The following CD53 variants were observed in gnomAD, a reference collection of about 807,000 sequenced individuals.
CD53 encodes leukocyte surface antigen CD53.
A neutral mutation model predicts 27.3 loss-of-function variants in CD53; 20 were observed. The ratio of observed to expected loss-of-function variants is 0.73; its 90% CI spans 0.52 to 1.07. The LOEUF is 1.07. CD53 is among the 50% of genes least tolerant of loss of function. CD53 has a pLI of 0.00. For missense variants in CD53, 216 were observed against 264.0 expected, an observed-to-expected ratio of 0.82 and a Z score of 1.26; for synonymous variants, 106 against 105.3, an observed-to-expected ratio of 1.01 and a Z score of -0.04.
At position 110,892,474 on chromosome 1, in the gene CD53, G is replaced by A. The variant is rs765419191; in HGVS notation, c.193G>A (p.Val65Ile). ...VFVIVGSIIM[V>I]VAFLGCMGSI... is the part of the protein sequence containing the mutation. ...TGTCATCGTGGGCTCTATTATCATG[G>A]TAGTTGCCTTCCTGGGCTGCATGGG... Residue 65 changes from valine (V) to isoleucine (I), a missense_variant, in exon 3 of 8, where the codon GTA becomes ATA. Val to Ile is a conservative substitution (Grantham distance 29). Coordinates refer to ENST00000271324, the MANE Select transcript of CD53 (RefSeq NM_000560.4). 1 of 1,614,128 alleles carries A rather than the reference G, an allele frequency of 6.2e-7. No homozygotes were observed. The highest frequency in any genetic ancestry group is 1.1e-5 in the South Asian group (1 of 91,080).
At chr1:110,890,727 T>C (rs1400259708) in intron 1 of CD53, among the ~76,000 whole-genome samples, 6 of 152,242 alleles carry the variant, frequency 3.9e-5, no homozygotes, top group Admixed American at 3.9e-4. Flanking sequence ...AAAGCTTACA[T>C]TGCTATCTCT....
chr1:110,888,885 G>T (rs1656733791), intron 1 of CD53, among the ~76,000 whole-genome samples: 1 of 152,136 alleles, frequency 6.6e-6, no homozygotes, highest in Non-Finnish European at 1.5e-5. Flanking sequence ...TGCTCAAGGG[G>T]ACTACATTCA....
At chr1:110,896,610 G>A (rs1385431105) in intron 5 of CD53, 43 bp from the exon 6 acceptor site, 1 of 1,580,866 alleles carries the variant, frequency 6.3e-7, no homozygotes, top group Non-Finnish European at 8.7e-7. Context: ...TTTTTTCACT[G>A]TTGACTTTCT....
intron 1 of CD53, among the ~76,000 whole-genome samples, chr1:110,881,123 C>T (rs1011815673): frequency 3.3e-5 from 5 of 152,060 alleles, no homozygotes; most frequent in Admixed American, 6.6e-5. Context: ...GGGCCTTTGA[C>T]GTAAGTGTAC....
At chr1:110,894,808 C>T in intron 4 of CD53, 152 bp from the exon 5 acceptor site, 1 of 644,838 alleles carries the variant, frequency 1.6e-6, no homozygotes, top group South Asian at 1.8e-5. Context: ...CCTGTATGCC[C>T]ATAGATAAAC....
At chr1:110,881,072 T>A (rs1214890643) in intron 1 of CD53, among the ~76,000 whole-genome samples, 2 of 152,192 alleles carry the variant, frequency 1.3e-5, no homozygotes, top group Non-Finnish European at 2.9e-5. Context: ...ACAGGGGGTG[T>A]TGCCATGAGT....
chr1:110,876,026 T>A (rs1173690054), intron 1 of CD53, among the ~76,000 whole-genome samples: 1 of 152,192 alleles, frequency 6.6e-6, no homozygotes, highest in Admixed American at 6.5e-5. Context: ...AAAGAAAATA[T>A]GACACAAGCA....
In CD53 at chr1:110,891,577, G is replaced by T. The variant is rs1656856459; in HGVS notation, c.63+106G>T. The stretch of plus-strand genomic sequence containing the variant: ...TGTGGGGTAAAATGCATGCGTGTTT[G>T]GGTCATGTCCAGCACAACCATCCTA... On this transcript the variant is annotated intron_variant, in intron 2 of 7. Transcript: ENST00000271324. 6.0e-6 allele frequency: 5 copies of T among 836,294 alleles called. No individual in the cohort carries two copies. In the Admixed American group the frequency reaches 9.4e-5, roughly 16 times the overall value. 51.8% of individuals were successfully genotyped at this position (836,294 alleles called of 1,614,324 possible). A position where few individuals can be genotyped will look rare whatever the true frequency, so the allele number is the denominator to read the frequency against.
upstream of CD53, among the ~76,000 whole-genome samples, chr1:110,871,814 T>TACACACACACACACACACACAC (rs3068856): frequency 6.9e-6 from 1 of 145,670 alleles, no homozygotes; most frequent in African/African-American, 2.6e-5. Flanking sequence ...CAAGAGAAAC[T>TACACACACACACACACACACAC]ACACACACAC....
intron 1 of CD53, among the ~76,000 whole-genome samples, chr1:110,888,641 GGAAAAT>G (rs1247454736): frequency 6.6e-6 from 1 of 152,006 alleles, no homozygotes; most frequent in African/African-American, 2.4e-5. Context: ...GTTAAGAAAA[GGAAAAT>G]GAAAAAGGTG....
chr1:110,882,163 C>A (rs888659565), intron 1 of CD53, among the ~76,000 whole-genome samples: 9 of 152,208 alleles, frequency 5.9e-5, no homozygotes, highest in African/African-American at 2.2e-4. Context: ...GGTGTCTTAT[C>A]TGAGAACTCT....
At position 110,894,371 on chromosome 1, in the gene CD53, G is replaced by T; in HGVS notation, c.297G>T (p.Leu99Phe). Reference protein sequence around the residue: ...LLIILLAEVTLAILLFVYEQK... With the variant: ...LLIILLAEVTFAILLFVYEQK... ...TTATCCTCCTTGCTGAGGTGACCTT[G>T]GCCATCCTGCTCTTTGTATATGAAC... The change falls in exon 4 of 8, where the codon TTG becomes TTT. Residue 99 changes from leucine (L) to phenylalanine (F), a missense_variant. Coordinates refer to ENST00000271324, the MANE Select transcript of CD53 (RefSeq NM_000560.4). The T allele has an allele frequency of 6.2e-7, 1 of 1,613,940 alleles. No individual in the cohort carries two copies. The highest frequency in any genetic ancestry group is 2.2e-5 in the East Asian group (1 of 44,872).
At chr1:110,891,293 A>T in intron 1 of CD53, 99 bp from the exon 2 acceptor site, 1 of 846,678 alleles carries the variant, frequency 1.2e-6, no homozygotes, top group Non-Finnish European at 2.0e-6. Context: ...CACAGCTCAA[A>T]CCCAAGGTAA....
Position 110,892,133 on chromosome 1 carries a change from G to A in CD53, c.64-212G>A, listed in dbSNP as rs1317548949. On this transcript the variant is annotated intron_variant, in intron 2 of 7. Transcript: ENST00000271324. ...GATCTTTCCTTGGTATCTGGAGATG[G>A]GTAGGAAGAGTTGTGAGTAGGTCTC... Among the ~76,000 whole-genome samples the A allele has an allele frequency of 2.0e-5, 3 of 152,202 alleles. No homozygotes were observed. In the East Asian group the frequency reaches 5.8e-4, roughly 29 times the overall value.
chr1:110,878,386 A>T (rs1305808199), intron 1 of CD53, among the ~76,000 whole-genome samples: 1 of 151,968 alleles, frequency 6.6e-6, no homozygotes, highest in East Asian at 1.9e-4. Flanking sequence ...GGGAGCCGTA[A>T]TTACCTTGCG....
intron 1 of CD53, among the ~76,000 whole-genome samples, chr1:110,884,898 A>G (rs746791292): frequency 5.3e-5 from 8 of 151,632 alleles, no homozygotes; most frequent in Non-Finnish European, 1.2e-4. Context: ...CAATCCATCT[A>G]TTTATTCCTG....
intron 1 of CD53, among the ~76,000 whole-genome samples, chr1:110,885,325 C>A (rs560218315): frequency 1.6e-4 from 24 of 151,974 alleles, no homozygotes; most frequent in Admixed American, 3.9e-4. Flanking sequence ...CCGAGGCGGG[C>A]GGATCACAAG....
chr1:110,899,237 G>T lies in CD53; in HGVS notation c.*42G>T, dbSNP rs760770771. The T allele has an allele frequency of 1.2e-5, 17 of 1,415,912 alleles. No individual in the cohort carries two copies. The South Asian group carries it at 2.0e-4, about 16-fold the overall frequency. The allele number at this position is 1,415,912 out of a possible 1,614,324, so 87.7% of individuals were successfully genotyped here. On this transcript the variant is annotated 3_prime_UTR_variant, in exon 8 of 8. Coordinates refer to ENST00000271324, the MANE Select transcript of CD53 (RefSeq NM_000560.4). The stretch of plus-strand genomic sequence containing the variant: ...GGTGAAGAGACTTGTTTCATCTCCG[G>T]AAATGCAAAACCATTTATAGCATGA...
chr1:110,889,975 T>C (rs1478576409), intron 1 of CD53, among the ~76,000 whole-genome samples: 1 of 151,982 alleles, frequency 6.6e-6, no homozygotes, highest in Non-Finnish European at 1.5e-5. Context: ...GAAAAGGATA[T>C]GAGATAGATA....
Sources: allele counts gnomAD v4.1 joint callset (sites outside exome capture counted in the v4.1 genomes callset), GRCh38; gene constraint gnomAD v4.1.1; transcripts MANE v1.5; gene names NCBI Gene and HGNC (gene_info 2026-07-23, HGNC 2026-07-21).